SPATS2: variants seen among roughly 807,000 people sequenced by gnomAD.
The protein encoded by SPATS2 is spermatogenesis-associated serine-rich protein 2.
SPATS2 carries 38 observed loss-of-function variants against 63.7 expected under a neutral mutation model. The ratio of observed to expected loss-of-function variants is 0.60; its 90% CI spans 0.46 to 0.78. The LOEUF (loss-of-function observed/expected upper bound fraction) is 0.78. SPATS2 is among the 30% of genes least tolerant of loss of function. SPATS2 has a pLI of 0.00. For synonymous variants in SPATS2, 207 were observed against 232.9 expected (o/e 0.89, Z 1.01); for missense variants, 588 against 666.2 (o/e 0.88, Z 1.29).
At chr12:49,482,385 C>T (rs1459174156) in intron 3 of SPATS2, among the ~76,000 whole-genome samples, 2 of 152,110 alleles carry the variant, frequency 1.3e-5, no homozygotes, top group South Asian at 2.1e-4. Context: ...CTGAGTGTGT[C>T]CTTTGGCCAA....
intron 10 of SPATS2, among the ~76,000 whole-genome samples, chr12:49,517,789 G>C (rs1946875323): frequency 6.6e-6 from 1 of 152,070 alleles, no homozygotes; most frequent in African/African-American, 2.4e-5. Flanking sequence ...TATATCACAT[G>C]GCCGTTTCAT....
At chr12:49,372,241 C>T (rs369915165) in intron 2 of SPATS2, among the ~76,000 whole-genome samples, 4 of 152,090 alleles carry the variant, frequency 2.6e-5, no homozygotes, top group African/African-American at 9.7e-5. Flanking sequence ...GATGAAGTTT[C>T]GCCATTTTGG....
At chr12:49,389,234 A>G (rs1944374877) in intron 2 of SPATS2, among the ~76,000 whole-genome samples, 1 of 152,116 alleles carries the variant, frequency 6.6e-6, no homozygotes, top group Admixed American at 6.5e-5. Flanking sequence ...CCCCACCGTA[A>G]CGCGAGGAAG....
intron 2 of SPATS2, among the ~76,000 whole-genome samples, chr12:49,436,247 A>C (rs1218326029): frequency 4.1e-5 from 6 of 146,114 alleles, no homozygotes; most frequent in Non-Finnish European, 7.5e-5. Context: ...CACCTCCCGG[A>C]CGGGGCGGCT....
At chr12:49,494,679 C>G in intron 6 of SPATS2, 62 bp from the exon 7 acceptor site, 1 of 1,449,228 alleles carries the variant, frequency 6.9e-7, no homozygotes, top group Non-Finnish European at 9.1e-7. Flanking sequence ...AGTTACCTCT[C>G]TAGGTTGTGG....
chr12:49,380,264 A>T (rs1944191899), intron 2 of SPATS2, among the ~76,000 whole-genome samples: 1 of 149,358 alleles, frequency 6.7e-6, no homozygotes, highest in African/African-American at 2.5e-5. Flanking sequence ...ACTCAAGTGA[A>T]CCTCCCACAT....
intron 11 of SPATS2, among the ~76,000 whole-genome samples, chr12:49,520,053 C>T (rs1300373059): frequency 6.6e-6 from 1 of 151,576 alleles, no homozygotes; most frequent in East Asian, 1.9e-4. Flanking sequence ...AATCTCAGCT[C>T]ACCGCAACCT....
chr12:49,522,856 G>A lies in SPATS2; in HGVS notation c.1111+3G>A. The A allele has an allele frequency of 6.2e-7, 1 of 1,611,680 alleles. No individual in the cohort carries two copies. Reference sequence around the variant, plus strand: ...GAGCATTGATTCATTTGGACAAGGTGAGATGGTGAGAGGGTCTGGGCACTA... The same window carrying A: ...GAGCATTGATTCATTTGGACAAGGTAAGATGGTGAGAGGGTCTGGGCACTA... On this transcript the variant is annotated splice_donor_region_variant and intron_variant, in intron 12 of 13. Coordinates refer to ENST00000552918, the MANE Select transcript of SPATS2 (RefSeq NM_023071.4).
intron 3 of SPATS2, among the ~76,000 whole-genome samples, chr12:49,476,939 C>A (rs1946128983): frequency 6.6e-6 from 1 of 152,066 alleles, no homozygotes; most frequent in Admixed American, 6.6e-5. Flanking sequence ...AACCTTGTTT[C>A]TACTAAAAAT....
At chr12:49,390,140 GTGACTTGAGTC>G (rs1944395155) in intron 2 of SPATS2, 1 of 1,542,722 alleles carries the variant, frequency 6.5e-7, no homozygotes, top group Admixed American at 1.7e-5. Context: ...GTGACCAACA[GTGACTTGAGTC>G]TGAGGAAGAG....
intron 6 of SPATS2, chr12:49,491,282 C>A (rs2137883191): frequency 6.6e-6 from 1 of 152,444 alleles, no homozygotes; most frequent in South Asian, 2.1e-4. Flanking sequence ...AAAAAGACAG[C>A]AAATCAAGGA....
chr12:49,416,859 A>G (rs1007536622), intron 2 of SPATS2, among the ~76,000 whole-genome samples: 1 of 152,178 alleles, frequency 6.6e-6, no homozygotes, highest in Non-Finnish European at 1.5e-5. Flanking sequence ...GGGGAGAAGA[A>G]TGAGACTCTA....
chr12:49,401,815 A>C (rs1944609893), intron 2 of SPATS2, among the ~76,000 whole-genome samples: 2 of 152,208 alleles, frequency 1.3e-5, no homozygotes, highest in South Asian at 4.1e-4. Flanking sequence ...CTTCTGCCTC[A>C]GCCTCCTGAG....
At chr12:49,379,254 A>G (rs1944165363) in intron 2 of SPATS2, among the ~76,000 whole-genome samples, 1 of 151,328 alleles carries the variant, frequency 6.6e-6, no homozygotes, top group South Asian at 2.1e-4. Flanking sequence ...TTCATATAAC[A>G]TAAAATTAAC....
chr12:49,497,034 A>G, intron 8 of SPATS2, 25 bp downstream of exon 8: 1 of 1,503,006 alleles, frequency 6.7e-7, no homozygotes. Context: ...CACCTGTGAG[A>G]GAAAATGAAA....
chr12:49,447,271 G>A (rs1022375222), intron 2 of SPATS2, among the ~76,000 whole-genome samples: 8 of 145,810 alleles, frequency 5.5e-5, no homozygotes, highest in African/African-American at 1.5e-4. Flanking sequence ...ACAGAGTCTC[G>A]CTTTGTCCCC....
intron 7 of SPATS2, 59 bp downstream of exon 7, chr12:49,495,061 C>G (rs1260912547): frequency 5.5e-6 from 8 of 1,442,900 alleles, no homozygotes; most frequent in Admixed American, 2.5e-5. Context: ...GGGTTCTCCT[C>G]GTTGAGAAAG....
At chr12:49,395,487 T>C (rs1944492935) in intron 2 of SPATS2, among the ~76,000 whole-genome samples, 1 of 151,864 alleles carries the variant, frequency 6.6e-6, no homozygotes, top group Admixed American at 6.6e-5. Flanking sequence ...TGCAGTGTCA[T>C]GATCTTGGCT....
intron 11 of SPATS2, among the ~76,000 whole-genome samples, chr12:49,520,752 T>G (rs1467069212): frequency 6.6e-6 from 1 of 151,708 alleles, no homozygotes; most frequent in Non-Finnish European, 1.5e-5. Flanking sequence ...TGAGTCTCGC[T>G]CTGTCATCCA....
Sources: gnomAD v4.1 joint callset for allele counts (sites outside exome capture counted in the v4.1 genomes callset) on GRCh38, gnomAD v4.1.1 for gene constraint, MANE v1.5 for transcripts, NCBI Gene and HGNC (gene_info 2026-07-23, HGNC 2026-07-21) for gene names.